Variants in SMAD4 observed in about 807,000 individuals in gnomAD.
SMAD4 encodes SMAD family member 4.
In SMAD4, 7 loss-of-function variants were observed where a neutral mutation model predicts 63.2. The observed-to-expected ratio is 0.11, with a 90% CI of 0.06 to 0.21. The LOEUF (loss-of-function observed/expected upper bound fraction) is 0.21, where lower values mean the gene tolerates loss of function less well. SMAD4 is among the 10% of genes least tolerant of loss of function. The probability of loss-of-function intolerance (pLI) is 1.00; values close to 1 mark genes in which losing one functional copy is unlikely to be tolerated. For synonymous variants in SMAD4, 215 were observed against 235.4 expected (o/e 0.91, Z 0.79); for missense variants, 312 against 693.8 (o/e 0.45, Z 6.18).
rs1358534720 is a variant in SMAD4, at chr18:51,083,560, A to G, written c.*5093A>G. 8.8e-6 allele frequency: 2 copies of G among 228,128 alleles called. No homozygotes were observed. Among genetic ancestry groups the G allele is most frequent in the African/African-American group, 2.2e-5 (1 of 45,010 alleles). The allele number at this position is 228,128 out of a possible 1,614,324, so 14.1% of individuals were successfully genotyped here. On this transcript the variant is annotated 3_prime_UTR_variant, in exon 12 of 12. Transcript: ENST00000342988. Reference sequence around the variant, plus strand: ...GATACTTTTCACACCGTTTATTTAAATGCTTTCTCAATAGGTCCAGAGCCA... The same window carrying G: ...GATACTTTTCACACCGTTTATTTAAGTGCTTTCTCAATAGGTCCAGAGCCA...
intron 8 of SMAD4, among the ~76,000 whole-genome samples, chr18:51,063,591 T>C (rs912652960): frequency 1.3e-5 from 2 of 151,986 alleles, no homozygotes; most frequent in Admixed American, 6.6e-5. Flanking sequence ...TTTTCTATTT[T>C]TCGTAGAGAC....
At chr18:51,073,626 G>T (rs962358625) in intron 10 of SMAD4, among the ~76,000 whole-genome samples, 7 of 151,776 alleles carry the variant, frequency 4.6e-5, no homozygotes, top group African/African-American at 1.2e-4. Context: ...CGCCTCCTGG[G>T]TTTAAGGGAT....
Position 51,078,493 on chromosome 18 carries a change from C to A in SMAD4, c.*26C>A, listed in dbSNP as rs374562658. ...GGTCTTTTACCGTTGGGGCCCTTAA[C>A]CTTATCAGGATGGTGGACTACAAAA... On this transcript the variant is annotated 3_prime_UTR_variant, in exon 12 of 12. Coordinates refer to ENST00000342988, the MANE Select transcript of SMAD4 (RefSeq NM_005359.6). The A allele has an allele frequency of 2.7e-6, 4 of 1,492,056 alleles. No individual in the cohort carries two copies. Among genetic ancestry groups the A allele is most frequent in the Non-Finnish European group, 3.7e-6 (4 of 1,070,466 alleles). The allele number at this position is 1,492,056 out of a possible 1,614,324, so 92.4% of individuals were successfully genotyped here.
chr18:51,060,663 T>TGGC (rs1040170459), intron 8 of SMAD4, among the ~76,000 whole-genome samples: 13 of 152,290 alleles, frequency 8.5e-5, no homozygotes, highest in Non-Finnish European at 1.3e-4. Flanking sequence ...AGAGAGGGCC[T>TGGC]GGCTCTGTTG....
rs1910698393 is a variant in SMAD4 at position 51,084,399 on chromosome 18, CTT to C, written c.*5935_*5936del. 1 of 221,776 alleles carries C rather than the reference CTT, an allele frequency of 4.5e-6. No homozygotes were observed. The highest frequency in any genetic ancestry group is 9.0e-6 in the Non-Finnish European group (1 of 111,310). 13.7% of individuals were successfully genotyped at this position (221,776 alleles called of 1,614,324 possible). On this transcript the variant is annotated 3_prime_UTR_variant, in exon 12 of 12. Coordinates refer to ENST00000342988, the MANE Select transcript of SMAD4 (RefSeq NM_005359.6). ...TTTTAGGTCCATTTTGATTAAGTGA[CTT>C]TTGGCTGGATCATTCAGAGCTCTCT...
Position 51,048,665 on chromosome 18 carries a change from A to T in SMAD4, c.250-21A>T, listed in dbSNP as rs759878328. On this transcript the variant is annotated intron_variant, in intron 2 of 11. Transcript: ENST00000342988. ...TCTTGCATAATGTGACACATGAATA[A>T]ATGGTCGTTTATTTTTCTAGGTGGC... 27 of 1,611,616 alleles carry T rather than the reference A, an allele frequency of 1.7e-5. No homozygotes were observed. The African/African-American group carries it at 3.6e-4, about 21-fold the overall frequency.
intron 2 of SMAD4, among the ~76,000 whole-genome samples, chr18:51,047,783 ATT>A (rs1344306754): frequency 2.0e-5 from 3 of 151,838 alleles, no homozygotes; most frequent in Non-Finnish European, 4.4e-5. Context: ...TAATTTTTGT[ATT>A]TTTAGTAGAG....
chr18:51,058,392 G>T lies in SMAD4; in HGVS notation c.840G>T (p.Leu280Phe). 1.2e-6 allele frequency: 2 copies of T among 1,613,836 alleles called. No individual in the cohort carries two copies. Among genetic ancestry groups the T allele is most frequent in the Non-Finnish European group, 1.7e-6 (2 of 1,180,008 alleles). Residue 280 changes from leucine to phenylalanine, a missense_variant, in exon 7 of 12, where the codon TTG becomes TTT. Leu to Phe is a conservative substitution (Grantham distance 22). Around this residue, in one of 4 missense-constraint regions of SMAD4, gnomAD observed 169 missense variants for 211.0 expected, o/e 0.80. Coordinates refer to ENST00000342988, the MANE Select transcript of SMAD4 (RefSeq NM_005359.6). ...GGACTGCACCATACACACCTAATTTGCCTCACCACCAAAACGGCCATCTTC... is the reference window on the plus strand; with the variant it reads ...GGACTGCACCATACACACCTAATTTTCCTCACCACCAAAACGGCCATCTTC... ...GSRTAPYTPN[L>F]PHHQNGHLQH...
intron 8 of SMAD4, among the ~76,000 whole-genome samples, chr18:51,061,055 T>A (rs980556082): frequency 1.3e-5 from 2 of 151,804 alleles, no homozygotes; most frequent in Admixed American, 6.6e-5. Context: ...ATTAAAAAAA[T>A]ATATTTTTAA....
At chr18:51,066,891 A>G in intron 9 of SMAD4, 128 bp from the exon 10 acceptor site, 2 of 707,384 alleles carry the variant, frequency 2.8e-6, no homozygotes, top group Admixed American at 2.4e-5. Context: ...AAATGTTAAT[A>G]GCTATCTTTT....
At chr18:51,062,529 C>G (rs1910040661) in intron 8 of SMAD4, among the ~76,000 whole-genome samples, 1 of 151,816 alleles carries the variant, frequency 6.6e-6, no homozygotes, top group Admixed American at 6.6e-5. Flanking sequence ...GAGATGAACT[C>G]TTGTTCTGTC....
At chr18:51,053,653 C>T (rs1210083326) in intron 4 of SMAD4, 1 of 152,006 alleles carries the variant, frequency 6.6e-6, no homozygotes, top group Admixed American at 6.6e-5. Context: ...ATTATTACTG[C>T]CTTAAACTAG....
chr18:51,065,629 G>A, intron 9 of SMAD4, 23 bp downstream of exon 9: 1 of 1,603,262 alleles, frequency 6.2e-7, no homozygotes, highest in Non-Finnish European at 8.5e-7. Flanking sequence ...TAGTCAGATA[G>A]TTACTTTAAA....
chr18:51,079,318 T>A lies in SMAD4; in HGVS notation c.*851T>A, dbSNP rs973909571. On this transcript the variant is annotated 3_prime_UTR_variant, in exon 12 of 12. Transcript: ENST00000342988. ...CCTTCATTCATAGGGAAAGGTTTTG[T>A]ATTTTTTAAAACACTAAAAGCAGCG... 4.3e-6 allele frequency: 1 copy of A among 233,322 alleles called. No individual in the cohort carries two copies. Among genetic ancestry groups the A allele is most frequent in the Non-Finnish European group, 8.5e-6 (1 of 117,924 alleles). The allele number at this position is 233,322 out of a possible 1,614,324, so 14.5% of individuals were successfully genotyped here. A position where few individuals can be genotyped will look rare whatever the true frequency, so the allele number is the denominator to read the frequency against.
At chr18:51,071,423 C>T (rs1599200168) in intron 10 of SMAD4, among the ~76,000 whole-genome samples, 1 of 152,220 alleles carries the variant, frequency 6.6e-6, no homozygotes, top group Non-Finnish European at 1.5e-5. Context: ...TTTCCTGCTT[C>T]TCTCATGACA....
intron 10 of SMAD4, among the ~76,000 whole-genome samples, chr18:51,070,674 G>A (rs765490071): frequency 6.6e-6 from 1 of 152,066 alleles, no homozygotes; most frequent in African/African-American, 2.4e-5. Flanking sequence ...TAAAATGTGC[G>A]CTGTTCTGAG....
At chr18:51,038,099 C>T (rs777759670) in intron 1 of SMAD4, among the ~76,000 whole-genome samples, 10 of 152,006 alleles carry the variant, frequency 6.6e-5, no homozygotes, top group Non-Finnish European at 1.2e-4. Flanking sequence ...GACCCTGTTT[C>T]TACAATAACA....
chr18:51,058,616 A>G lies in SMAD4; in HGVS notation c.904+160A>G, dbSNP rs1232111045. 2.0e-5 allele frequency among the ~76,000 whole-genome samples: 3 copies of G among 150,946 alleles called. No homozygotes were observed. In the East Asian group the frequency reaches 5.8e-4, roughly 29 times the overall value. On this transcript the variant is annotated intron_variant, in intron 7 of 11. Transcript: ENST00000342988. Reference sequence around the variant, plus strand: ...TTTTTTGTAAACAGTATTATTTTTCATAGTTATCCTACCTTTTTATTTTAG... The same window carrying G: ...TTTTTTGTAAACAGTATTATTTTTCGTAGTTATCCTACCTTTTTATTTTAG...
intron 1 of SMAD4, among the ~76,000 whole-genome samples, chr18:51,032,399 G>T (rs1909077402): frequency 2.0e-5 from 3 of 152,108 alleles, no homozygotes; most frequent in South Asian, 4.1e-4. Flanking sequence ...AATTTGTGCC[G>T]AGAAAGTCAC....
Sources: allele counts gnomAD v4.1 joint callset (sites outside exome capture counted in the v4.1 genomes callset), GRCh38; gene constraint gnomAD v4.1.1; regional missense constraint gnomAD v4.1.1; transcripts MANE v1.5; gene names NCBI Gene and HGNC (gene_info 2026-07-23, HGNC 2026-07-21).